The following VPS37A variants were observed in gnomAD, a reference collection of about 807,000 sequenced individuals.
VPS37A encodes the protein vacuolar protein sorting-associated protein 37A.
VPS37A carries 30 observed loss-of-function variants against 49.8 expected under a neutral mutation model. The observed-to-expected ratio is 0.60, with a 90% CI of 0.45 to 0.82. VPS37A has a LOEUF of 0.82. Among genes scored for constraint, VPS37A ranks in the 40% least tolerant of loss-of-function variants. The pLI is 0.00. For synonymous variants in VPS37A, 195 were observed against 160.6 expected (o/e 1.21, Z -1.62); for missense variants, 593 against 464.4 (o/e 1.28, Z -2.55).
At chr8:17,307,472 G>A in the VPS37A span, among the ~76,000 whole-genome samples, 1 of 152,110 alleles carries the variant, frequency 6.6e-6, no homozygotes, top group Non-Finnish European at 1.5e-5. Context: ...GTGGAAGTCA[G>A]TGTGGCGATT....
chr8:17,284,444 T>C (rs764288654), intron 9 of VPS37A, 29 bp from the exon 10 acceptor site: 2 of 1,548,928 alleles, frequency 1.3e-6, no homozygotes, highest in East Asian at 4.8e-5. Context: ...GTATCATAAA[T>C]TAAAGTAGTG....
downstream of VPS37A, chr8:17,299,395 T>C (rs6981281): frequency 0.26 from 40,020 of 153,810 alleles, 6,265 homozygotes; most frequent in East Asian, 0.62. Context: ...CCAATGTGCC[T>C]GTTTTTAGAA....
chr8:17,309,437 G>T, the VPS37A span: 1 of 748,482 alleles, frequency 1.3e-6, no homozygotes, highest in Non-Finnish European at 2.4e-6. Context: ...CCCCATCCTC[G>T]AGTAACCTGC....
intron 1 of VPS37A, among the ~76,000 whole-genome samples, chr8:17,249,206 G>A (rs1811749444): frequency 6.6e-6 from 1 of 152,204 alleles, no homozygotes; most frequent in Non-Finnish European, 1.5e-5. Context: ...AGGCTGGTAA[G>A]TAAGGGAAGT....
intron 5 of VPS37A, among the ~76,000 whole-genome samples, chr8:17,275,298 G>T (rs922169961): frequency 1.1e-4 from 16 of 152,234 alleles, no homozygotes; most frequent in African/African-American, 3.9e-4. Context: ...ATATACTGAT[G>T]AATATAGTGG....
intron 11 of VPS37A, among the ~76,000 whole-genome samples, chr8:17,294,712 G>A (rs1046811538): frequency 6.6e-6 from 1 of 152,140 alleles, no homozygotes; most frequent in African/African-American, 2.4e-5. Flanking sequence ...CACTTACCGG[G>A]TGAGGCAACA....
rs1816657766 is a variant in VPS37A at position 17,296,609 on chromosome 8, CTCATTTGATTAAT to C, written c.*1633_*1645del. On this transcript the variant is annotated 3_prime_UTR_variant, in exon 12 of 12. Transcript: ENST00000324849. ...ACAAGGGAGGAGCATACCACAGCCC[CTCATTTGATTAAT>C]TCATTTGATCTATCTATGTTATTAA... 6.6e-6 allele frequency: 1 copy of C among 152,104 alleles called. No individual in the cohort carries two copies. Among genetic ancestry groups the C allele is most frequent in the Admixed American group, 6.6e-5 (1 of 15,262 alleles). 9.4% of individuals were successfully genotyped at this position (152,104 alleles called of 1,614,324 possible). A position where few individuals can be genotyped will look rare whatever the true frequency, so the allele number is the denominator to read the frequency against.
chr8:17,262,106 G>A (rs996425412), intron 1 of VPS37A, among the ~76,000 whole-genome samples: 1 of 152,066 alleles, frequency 6.6e-6, no homozygotes, highest in Non-Finnish European at 1.5e-5. Context: ...TTGATGCTGG[G>A]AAGATTGTGG....
At chr8:17,315,376 T>C in the VPS37A span, among the ~76,000 whole-genome samples, 1 of 150,818 alleles carries the variant, frequency 6.6e-6, no homozygotes, top group Non-Finnish European at 1.5e-5. Flanking sequence ...CAAGAATGTT[T>C]AGGGCAGAAA....
Position 17,262,068 on chromosome 8 carries a change from G to A in VPS37A, c.126-3839G>A, listed in dbSNP as rs544776479. 6.2e-4 allele frequency among the ~76,000 whole-genome samples: 94 copies of A among 152,162 alleles called. 1 individual carries two copies. Among genetic ancestry groups the A allele is most frequent in the African/African-American group, 2.1e-3 (86 of 41,498 alleles). On this transcript the variant is annotated intron_variant, in intron 1 of 11. Transcript: ENST00000324849. ...TCTTACTTTTTCCAGTGTAGAAATC[G>A]TGAGTCGAGGGGAAATTTTTTGTAT...
intron 5 of VPS37A, among the ~76,000 whole-genome samples, chr8:17,275,458 G>A (rs1814431209): frequency 6.6e-6 from 1 of 152,186 alleles, no homozygotes; most frequent in South Asian, 2.1e-4. Flanking sequence ...CATTGAGGTA[G>A]AAACTGGATG....
Position 17,268,297 on chromosome 8 carries a change from C to A in VPS37A, c.240C>A (p.Ile80=). ...PPQFPQEKPV[I]SVYPPIRHHL... ...AGTTTCCTCAGGAAAAACCAGTGAT[C>A]AGTGTTTATCCACCAATACGACATC... is the stretch of plus-strand genomic sequence containing the variant. The change falls in exon 3 of 12, where the codon ATC becomes ATA. Residue 80 remains isoleucine, a synonymous_variant. Coordinates refer to ENST00000324849, the MANE Select transcript of VPS37A (RefSeq NM_152415.3). 1 of 1,613,152 alleles carries A rather than the reference C, an allele frequency of 6.2e-7. No individual in the cohort carries two copies. Among genetic ancestry groups the A allele is most frequent in the Non-Finnish European group, 8.5e-7 (1 of 1,179,746 alleles).
chr8:17,306,440 A>G (rs1328301569), downstream of VPS37A, among the ~76,000 whole-genome samples: 1 of 152,100 alleles, frequency 6.6e-6, no homozygotes, highest in African/African-American at 2.4e-5. Context: ...TCCCATTCCT[A>G]AAGCGGTTAA....
chr8:17,277,516 A>C (rs978984480), intron 6 of VPS37A, among the ~76,000 whole-genome samples: 1 of 152,082 alleles, frequency 6.6e-6, no homozygotes, highest in African/African-American at 2.4e-5. Context: ...TGCCTCTTCT[A>C]TCCAGCTTTC....
In VPS37A at chr8:17,286,420, C is replaced by T. The variant is rs1252394232; in HGVS notation, c.1187C>T (p.Pro396Leu). 6.2e-7 allele frequency: 1 copy of T among 1,613,376 alleles called. No homozygotes were observed. The highest frequency in any genetic ancestry group is 1.1e-5 in the South Asian group (1 of 90,990). The part of the protein sequence containing the change: ...AIAMHSQFHA[P>L]L ...GCAATGCACAGCCAATTTCATGCTC[C>T]ACTATAGGTAAATTGTATTTCAAGT... The change falls in exon 11 of 12, where the codon CCA becomes CTA. Residue 396 changes from proline to leucine, a missense_variant. Transcript: ENST00000324849.
chr8:17,301,429 G>T (rs1023263261), downstream of VPS37A, among the ~76,000 whole-genome samples: 1 of 152,012 alleles, frequency 6.6e-6, no homozygotes, highest in South Asian at 2.1e-4. Context: ...GACAGTGAGA[G>T]GACAAACACA....
intron 2 of VPS37A, 29 bp downstream of exon 2, chr8:17,266,010 T>C: frequency 1.3e-6 from 2 of 1,580,928 alleles, no homozygotes; most frequent in African/African-American, 1.4e-5. Flanking sequence ...TACTTTTTCA[T>C]GTAAAAGGAC....
downstream of VPS37A, among the ~76,000 whole-genome samples, chr8:17,300,482 C>T (rs1817042586): frequency 6.6e-6 from 1 of 152,076 alleles, no homozygotes; most frequent in South Asian, 2.1e-4. Context: ...GTTGAAGCAC[C>T]CAGTGAACCC....
the VPS37A span, chr8:17,313,492 C>T: frequency 1.2e-6 from 1 of 806,574 alleles, no homozygotes; most frequent in Non-Finnish European, 2.0e-6. Flanking sequence ...TTAATGATTC[C>T]TTTGTTGTAT....
Sources: gnomAD v4.1 joint callset for allele counts (sites outside exome capture counted in the v4.1 genomes callset) on GRCh38, gnomAD v4.1.1 for gene constraint, MANE v1.5 for transcripts, NCBI Gene and HGNC (gene_info 2026-07-23, HGNC 2026-07-21) for gene names.